SDK1: variants seen among roughly 807,000 people sequenced by gnomAD.
SDK1 encodes sidekick cell adhesion molecule 1, also known as protein sidekick-1.
SDK1 carries 157 observed loss-of-function variants against 245.5 expected under a neutral mutation model. The observed-to-expected ratio is 0.64, with a 90% CI of 0.56 to 0.73. The LOEUF is 0.73. SDK1 is among the 30% of genes least tolerant of loss of function. The pLI is 0.00. For synonymous variants in SDK1, 1,647 were observed against 1,278.5 expected (o/e 1.29, Z -6.15); for missense variants, 3,583 against 3,002.3 (o/e 1.19, Z -4.52).
chr7:4,094,812 A>G (rs1302301194), intron 22 of SDK1, among the ~76,000 whole-genome samples: 1 of 152,218 alleles, frequency 6.6e-6, no homozygotes, highest in East Asian at 1.9e-4. Context: ...TATGGCTTAC[A>G]GTAAGGATCC....
At chr7:3,490,789 C>CAT (rs1781841478) in intron 1 of SDK1, among the ~76,000 whole-genome samples, 1 of 152,178 alleles carries the variant, frequency 6.6e-6, no homozygotes, top group African/African-American at 2.4e-5. Context: ...GGGGGCTGCA[C>CAT]ATCCCACATT....
At chr7:4,168,363 G>A (rs542654624) in intron 32 of SDK1, among the ~76,000 whole-genome samples, 1 of 152,236 alleles carries the variant, frequency 6.6e-6, no homozygotes, top group Admixed American at 6.5e-5. Flanking sequence ...TGTCTGTTGG[G>A]CAAGGCGGAT....
At chr7:4,009,389 G>T (rs568119233) in intron 14 of SDK1, among the ~76,000 whole-genome samples, 10 of 152,324 alleles carry the variant, frequency 6.6e-5, no homozygotes, top group African/African-American at 2.4e-4. Flanking sequence ...TTCTGTAAGG[G>T]AGACTGCTTA....
At chr7:3,575,221 T>C (rs1346744071) in intron 1 of SDK1, among the ~76,000 whole-genome samples, 3 of 152,046 alleles carry the variant, frequency 2.0e-5, no homozygotes, top group Non-Finnish European at 4.4e-5. Flanking sequence ...GTGGCTGCCT[T>C]CTTTCTGTGT....
intron 41 of SDK1, among the ~76,000 whole-genome samples, chr7:4,236,968 G>A (rs1786205824): frequency 6.6e-6 from 1 of 152,098 alleles, no homozygotes; most frequent in African/African-American, 2.4e-5. Flanking sequence ...GTGCAGTGCT[G>A]TGATCGTGGC....
At chr7:4,220,372 T>G in intron 39 of SDK1, 102 bp downstream of exon 39, 2 of 1,316,554 alleles carry the variant, frequency 1.5e-6, no homozygotes, top group Non-Finnish European at 2.1e-6. Flanking sequence ...CAAGGTGATG[T>G]TGGCGGCCAA....
intron 27 of SDK1, 117 bp from the exon 28 acceptor site, chr7:4,132,208 G>A (rs574748075): frequency 1.4e-5 from 11 of 770,458 alleles, no homozygotes; most frequent in Middle Eastern, 2.3e-4. Context: ...CTAAACCCAC[G>A]ACAGTGTAGC....
intron 9 of SDK1, 91 bp from the exon 10 acceptor site, chr7:3,967,227 G>C: frequency 2.1e-6 from 2 of 939,364 alleles, no homozygotes; most frequent in Non-Finnish European, 3.4e-6. Context: ...TCTGTGATTG[G>C]CTCTCTAAAG....
At chr7:3,583,721 A>G (rs186265934) in intron 1 of SDK1, among the ~76,000 whole-genome samples, 6 of 152,290 alleles carry the variant, frequency 3.9e-5, no homozygotes, top group East Asian at 3.9e-4. Flanking sequence ...GAGGCATGGC[A>G]TGCCACAGAA....
At chr7:3,873,067 C>G (rs1469052254) in intron 5 of SDK1, among the ~76,000 whole-genome samples, 1 of 152,134 alleles carries the variant, frequency 6.6e-6, no homozygotes, top group Non-Finnish European at 1.5e-5. Flanking sequence ...ATCCCAGTCT[C>G]TGACCTATAT....
rs2128245937 is a variant in SDK1 at position 4,265,545 on chromosome 7, T to G, written c.*161T>G. ...CTACTTGTGGACACTAGATTTCAAT[T>G]AGGAAGGTTTTTTTAAACGGCTTTT... On this transcript the variant is annotated 3_prime_UTR_variant, in exon 45 of 45. Transcript: ENST00000404826. 7.5e-6 allele frequency: 10 copies of G among 1,341,478 alleles called. No homozygotes were observed. The South Asian group carries it at 2.1e-4, about 28-fold the overall frequency. The allele number at this position is 1,341,478 out of a possible 1,614,324, so 83.1% of individuals were successfully genotyped here.
rs1481502691 is a variant in SDK1, at chr7:3,969,272, C to T, written c.1562C>T (p.Ala521Val). Residue 521 changes from alanine to valine, a missense_variant, in exon 11 of 45, where the codon GCC becomes GTC. Coordinates refer to ENST00000404826, the MANE Select transcript of SDK1 (RefSeq NM_152744.4). ...TGTTCTTTAGAAAACCACATTCTGGCCAGTGGCTCTGTCCGGATTCCTAGG... is the reference window on the plus strand; with the variant it reads ...TGTTCTTTAGAAAACCACATTCTGGTCAGTGGCTCTGTCCGGATTCCTAGG... ...ITWKRENHIL[A>V]SGSVRIPRFM... 6.2e-7 allele frequency: 1 copy of T among 1,600,902 alleles called. No homozygotes were observed. The highest frequency in any genetic ancestry group is 8.5e-7 in the Non-Finnish European group (1 of 1,173,666).
rs145110729 is a variant in SDK1 at position 4,107,946 on chromosome 7, C to A, written c.3325-2717C>A. ...TTTTCTGGGCCTCAGCTTCTTTCAGCGTAACATAGGCTGGAATAATATCCT... is the reference window on the plus strand; with the variant it reads ...TTTTCTGGGCCTCAGCTTCTTTCAGAGTAACATAGGCTGGAATAATATCCT... On this transcript the variant is annotated intron_variant, in intron 22 of 44. Coordinates refer to ENST00000404826, the MANE Select transcript of SDK1 (RefSeq NM_152744.4). Among the ~76,000 whole-genome samples the A allele has an allele frequency of 7.6e-3, 1,155 of 152,302 alleles. 12 individuals carry two copies. Among genetic ancestry groups the A allele is most frequent in the African/African-American group, 0.027 (1,107 of 41,554 alleles).
chr7:4,007,446 C>T (rs1479140571), intron 14 of SDK1, among the ~76,000 whole-genome samples: 5 of 152,032 alleles, frequency 3.3e-5, no homozygotes, highest in Middle Eastern at 3.2e-3. Flanking sequence ...GCAGGAGTCC[C>T]GAGGACAGAG....
intron 4 of SDK1, among the ~76,000 whole-genome samples, chr7:3,815,392 C>T (rs1357662471): frequency 3.6e-5 from 5 of 138,612 alleles, no homozygotes; most frequent in East Asian, 2.0e-4. Flanking sequence ...TTGTCTTTGG[C>T]TCTGTTTCTA....
intron 28 of SDK1, among the ~76,000 whole-genome samples, chr7:4,135,949 G>A (rs1486490284): frequency 2.6e-5 from 4 of 152,214 alleles, no homozygotes; most frequent in African/African-American, 9.6e-5. Context: ...TCTGGTTGCT[G>A]AAGCAGAGGC....
intron 1 of SDK1, among the ~76,000 whole-genome samples, chr7:3,405,195 T>A (rs928497587): frequency 6.6e-6 from 1 of 151,910 alleles, no homozygotes; most frequent in South Asian, 2.1e-4. Context: ...AAAAACACTT[T>A]CCTTAATCTT....
intron 1 of SDK1, among the ~76,000 whole-genome samples, chr7:3,418,676 G>C (rs558672598): frequency 1.3e-5 from 2 of 152,210 alleles, no homozygotes; most frequent in African/African-American, 2.4e-5. Context: ...GACTTTCCAG[G>C]GTATATTTTG....
chr7:3,578,281 G>C (rs994600950), intron 1 of SDK1, among the ~76,000 whole-genome samples: 1 of 150,342 alleles, frequency 6.7e-6, no homozygotes, highest in Non-Finnish European at 1.5e-5. Context: ...TTTTATTAAG[G>C]ATTAAGGGGA....
Sources: gnomAD v4.1 joint callset for allele counts (sites outside exome capture counted in the v4.1 genomes callset) on GRCh38, gnomAD v4.1.1 for gene constraint, MANE v1.5 for transcripts, NCBI Gene and HGNC (gene_info 2026-07-23, HGNC 2026-07-21) for gene names.